TBC1D22A: variants seen among roughly 807,000 people sequenced by gnomAD.
TBC1D22A encodes the protein TBC1 domain family member 22A, also known as putative GTPase activator.
Under a neutral mutation model 60.2 loss-of-function variants are expected in TBC1D22A, and 38 were observed. The observed-to-expected ratio is 0.63, with a 90% CI of 0.49 to 0.83. The LOEUF (loss-of-function observed/expected upper bound fraction) is 0.83. Among genes scored for constraint, TBC1D22A ranks in the 40% least tolerant of loss-of-function variants. The pLI, the probability that TBC1D22A is intolerant of heterozygous loss-of-function variation, is 0.00. For missense variants in TBC1D22A, 628 were observed against 701.0 expected, an observed-to-expected ratio of 0.90 and a Z score of 1.18; for synonymous variants, 302 against 281.7, an observed-to-expected ratio of 1.07 and a Z score of -0.72.
chr22:46,985,248 C>T lies in TBC1D22A; in HGVS notation c.1125+10849C>T, dbSNP rs146925257. The stretch of plus-strand genomic sequence containing the variant: ...TCTTCACCTGGACGGGGCAGTGGAG[C>T]GCTTGGTGGAGGCCTGGGGTGGGGG... On this transcript the variant is annotated intron_variant, in intron 9 of 12. Transcript: ENST00000337137. Among the ~76,000 whole-genome samples the T allele has an allele frequency of 9.2e-3, 1,402 of 152,224 alleles. 17 individuals are homozygous for T. Among genetic ancestry groups the T allele is most frequent in the African/African-American group, 0.024 (990 of 41,532 alleles).
intron 9 of TBC1D22A, among the ~76,000 whole-genome samples, chr22:46,980,755 A>G (rs1251069559): frequency 6.6e-6 from 1 of 152,276 alleles, no homozygotes; most frequent in Admixed American, 6.5e-5. Context: ...ATTTTTCAGC[A>G]TTGATGAGAT....
At chr22:46,977,833 G>A (rs953308886) in intron 9 of TBC1D22A, among the ~76,000 whole-genome samples, 5 of 152,274 alleles carry the variant, frequency 3.3e-5, no homozygotes, top group East Asian at 1.9e-4. Flanking sequence ...ACCCAGCGAC[G>A]CAGCGCTAGC....
intron 8 of TBC1D22A, among the ~76,000 whole-genome samples, chr22:46,932,058 C>T (rs573331813): frequency 6.6e-6 from 1 of 152,316 alleles, no homozygotes; most frequent in Admixed American, 6.5e-5. Context: ...CGGTTTCTTT[C>T]CTGGCTCATG....
At chr22:47,087,489 A>C (rs1418051655) in intron 11 of TBC1D22A, among the ~76,000 whole-genome samples, 1 of 152,230 alleles carries the variant, frequency 6.6e-6, no homozygotes, top group African/African-American at 2.4e-5. Context: ...ATGACTTCAA[A>C]CAGACTTTGA....
At chr22:47,046,707 C>T (rs2063043738) in intron 11 of TBC1D22A, among the ~76,000 whole-genome samples, 1 of 152,300 alleles carries the variant, frequency 6.6e-6, no homozygotes, top group Non-Finnish European at 1.5e-5. Context: ...GCCTGGGCCC[C>T]CTGAAGCCTC....
intron 12 of TBC1D22A, among the ~76,000 whole-genome samples, chr22:47,169,280 G>T (rs1299442918): frequency 6.6e-6 from 1 of 152,160 alleles, no homozygotes; most frequent in Non-Finnish European, 1.5e-5. Context: ...GGGGTTGCCT[G>T]GTGGAAAGCG....
At chr22:47,053,764 CGCT>C (rs1254827914) in intron 11 of TBC1D22A, among the ~76,000 whole-genome samples, 1 of 152,248 alleles carries the variant, frequency 6.6e-6, no homozygotes, top group Non-Finnish European at 1.5e-5. Flanking sequence ...AGCCCTTCTG[CGCT>C]CCAGGCGCTG....
chr22:47,157,893 G>A (rs2067789150), intron 12 of TBC1D22A, among the ~76,000 whole-genome samples: 1 of 152,056 alleles, frequency 6.6e-6, no homozygotes, highest in South Asian at 2.1e-4. Flanking sequence ...AGTTACCCCT[G>A]CCATGCTGGG....
intron 8 of TBC1D22A, among the ~76,000 whole-genome samples, chr22:46,973,695 G>T (rs2074171091): frequency 6.6e-6 from 1 of 152,180 alleles, no homozygotes. Flanking sequence ...TTAGGCATCT[G>T]TTTTGCATTT....
intron 8 of TBC1D22A, among the ~76,000 whole-genome samples, chr22:46,967,834 G>T (rs114376028): frequency 0.018 from 2,665 of 151,538 alleles, 67 homozygotes; most frequent in African/African-American, 0.061. Context: ...TGATTCCAGT[G>T]CACCCCCTGG....
chr22:46,882,252 G>A (rs1159742849), intron 5 of TBC1D22A, among the ~76,000 whole-genome samples: 1 of 152,216 alleles, frequency 6.6e-6, no homozygotes, highest in African/African-American at 2.4e-5. Flanking sequence ...AGTCCACAGA[G>A]TGCCTACCCT....
intron 1 of TBC1D22A, among the ~76,000 whole-genome samples, chr22:46,781,743 G>C (rs1338553809): frequency 1.3e-5 from 2 of 152,180 alleles, no homozygotes; most frequent in Non-Finnish European, 2.9e-5. Context: ...TGTGCACATT[G>C]TTCCACTTTC....
chr22:46,970,837 C>A (rs1199309858), intron 8 of TBC1D22A, among the ~76,000 whole-genome samples: 2 of 152,166 alleles, frequency 1.3e-5, no homozygotes, highest in African/African-American at 4.8e-5. Flanking sequence ...TCCGCCTGGG[C>A]CATACACCCA....
At chr22:47,039,274 G>A (rs2062757212) in intron 11 of TBC1D22A, among the ~76,000 whole-genome samples, 1 of 152,088 alleles carries the variant, frequency 6.6e-6, no homozygotes, top group African/African-American at 2.4e-5. Flanking sequence ...ATAGTACCCT[G>A]GTTATAAACC....
At chr22:46,858,241 T>C (rs977946319) in intron 4 of TBC1D22A, among the ~76,000 whole-genome samples, 1 of 152,240 alleles carries the variant, frequency 6.6e-6, no homozygotes, top group Admixed American at 6.5e-5. Flanking sequence ...GAGAATCGTT[T>C]CCCATGCTTA....
At chr22:46,964,596 A>G (rs1040571474) in intron 8 of TBC1D22A, among the ~76,000 whole-genome samples, 1 of 152,148 alleles carries the variant, frequency 6.6e-6, no homozygotes, top group African/African-American at 2.4e-5. Flanking sequence ...TATAATATAC[A>G]TGGACCGTCT....
At chr22:47,154,179 C>T (rs551274925) in intron 12 of TBC1D22A, among the ~76,000 whole-genome samples, 4 of 152,266 alleles carry the variant, frequency 2.6e-5, no homozygotes, top group Non-Finnish European at 5.9e-5. Context: ...GAGGAACAGA[C>T]ATGTCCCCGG....
At chr22:47,161,759 T>C (rs2067992175) in intron 12 of TBC1D22A, among the ~76,000 whole-genome samples, 2 of 152,218 alleles carry the variant, frequency 1.3e-5, no homozygotes, top group South Asian at 4.1e-4. Flanking sequence ...TCTGCGCAAG[T>C]GTGTGCCGTG....
At chr22:46,817,473 T>C (rs924928578) in intron 4 of TBC1D22A, among the ~76,000 whole-genome samples, 1 of 152,212 alleles carries the variant, frequency 6.6e-6, no homozygotes, top group Non-Finnish European at 1.5e-5. Context: ...TTCTCATTGT[T>C]CAACTCCCAG....
Sources: gnomAD v4.1 joint callset for allele counts (sites outside exome capture counted in the v4.1 genomes callset) on GRCh38, gnomAD v4.1.1 for gene constraint, MANE v1.5 for transcripts, NCBI Gene and HGNC (gene_info 2026-07-23, HGNC 2026-07-21) for gene names.